Variants in COA6 observed in about 807,000 individuals in gnomAD.
COA6 encodes the protein cytochrome c oxidase assembly factor 6 homolog.
Under a neutral mutation model 17.1 loss-of-function variants are expected in COA6, and 12 were observed. The observed-to-expected ratio is 0.70, with a 90% confidence interval of 0.45 to 1.14. COA6 has a LOEUF of 1.14. Among genes scored for constraint, COA6 ranks in the 50% most tolerant of loss-of-function variants. The probability of loss-of-function intolerance (pLI) is 0.00; values close to 1 mark genes in which losing one functional copy is unlikely to be tolerated. For synonymous variants in COA6, 90 were observed against 73.4 expected (o/e 1.23, Z -1.16); for missense variants, 246 against 196.5 (o/e 1.25, Z -1.51).
Position 234,374,276 on chromosome 1 carries a change from G to A in COA6, c.259G>A (p.Val87Ile), listed in dbSNP as rs375349955. ...MAAPSMKERQ[V>I]CWGARDEYWK... ...AGCCCCATCTATGAAGGAAAGACAGGTCTGCTGGGGGGCCCGGGATGAGTA... is the reference window on the plus strand; with the variant it reads ...AGCCCCATCTATGAAGGAAAGACAGATCTGCTGGGGGGCCCGGGATGAGTA... The change falls in exon 2 of 3, where the codon GTC (valine) becomes ATC (isoleucine). Residue 87 changes from valine (V) to isoleucine (I), a missense_variant. Coordinates refer to ENST00000366615, the MANE Select transcript of COA6 (RefSeq NM_001206641.3). 6.2e-7 allele frequency: 1 copy of A among 1,613,862 alleles called. No individual in the cohort carries two copies. Among genetic ancestry groups the A allele is most frequent in the Non-Finnish European group, 8.5e-7 (1 of 1,179,964 alleles).
chr1:234,374,242 A>G lies in COA6; in HGVS notation c.225A>G (p.Val75=), dbSNP rs1658716446. 1.9e-6 allele frequency: 3 copies of G among 1,611,730 alleles called. No homozygotes were observed. Among genetic ancestry groups the G allele is most frequent in the African/African-American group, 2.7e-5 (2 of 74,846 alleles). Residue 75 remains valine (V), a synonymous_variant, in exon 2 of 3, where the codon GTA becomes GTG. Coordinates refer to ENST00000366615, the MANE Select transcript of COA6 (RefSeq NM_001206641.3). ...TTTTGGCCAACAGCTTCATCGCAGT[A>G]GGAATGGCAGCCCCATCTATGAAGG... ...GRGRAESFIA[V]GMAAPSMKER... is the part of the protein sequence containing the mutation.
At chr1:234,379,479 A>G (rs192450539) in intron 2 of COA6, among the ~76,000 whole-genome samples, 419 of 152,322 alleles carry the variant, frequency 2.8e-3, no homozygotes, top group African/African-American at 9.5e-3. Context: ...AACAGAGGCC[A>G]TGGTATTGAA....
chr1:234,378,229 T>G (rs1658866588), intron 2 of COA6, among the ~76,000 whole-genome samples: 1 of 152,212 alleles, frequency 6.6e-6, no homozygotes, highest in Non-Finnish European at 1.5e-5. Flanking sequence ...AGCTCCATGG[T>G]CATTTTTTTG....
Position 234,373,474 on chromosome 1 carries a change from C to CTCGGAAGGG in COA6, c.11_19dup (p.Arg4_Gly6dup). 6.5e-7 allele frequency: 1 copy of CTCGGAAGGG among 1,537,550 alleles called. No individual in the cohort carries two copies. Among genetic ancestry groups the CTCGGAAGGG allele is most frequent in the Non-Finnish European group, 8.8e-7 (1 of 1,141,678 alleles). On this transcript the variant is annotated inframe_insertion, in exon 1 of 3. Transcript: ENST00000366615. The stretch of plus-strand genomic sequence containing the variant: ...CCCCTCTATGGAAAGTAAATGGTAG[C>CTCGGAAGGG]TCGGAAGGGTCAAAAGAGTCCGCGG...
At position 234,373,636 on chromosome 1, in the gene COA6, C is replaced by T. The variant is rs746096231; in HGVS notation, c.170C>T (p.Ser57Phe). ...RRLVACVTVS[S>F]RRHRKEAGRG... is the part of the protein sequence containing the mutation. ...TTGGTGGCCTGCGTGACAGTTTCCTCCCGTCGACATCGAAAGGAAGCCGGA... is the reference window on the plus strand; with the variant it reads ...TTGGTGGCCTGCGTGACAGTTTCCTTCCGTCGACATCGAAAGGAAGCCGGA... Residue 57 changes from serine (S) to phenylalanine (F), a missense_variant, in exon 1 of 3, where the codon TCC becomes TTC. By Grantham distance (155) the Ser-to-Phe change is radical (BLOSUM62 -2). Coordinates refer to ENST00000366615, the MANE Select transcript of COA6 (RefSeq NM_001206641.3). 6.2e-7 allele frequency: 1 copy of T among 1,613,240 alleles called. No individual in the cohort carries two copies.
chr1:234,381,692 A>G (rs1002253883), intron 2 of COA6, among the ~76,000 whole-genome samples: 4 of 152,238 alleles, frequency 2.6e-5, no homozygotes, highest in Non-Finnish European at 5.9e-5. Flanking sequence ...TGTTACAGCA[A>G]CCCAAGTGAG....
At position 234,377,063 on chromosome 1, in the gene COA6, A is replaced by ACCC. The variant is rs1162931376; in HGVS notation, c.372+2674_372+2675insCCC. Among the ~76,000 whole-genome samples the ACCC allele has an allele frequency of 2.7e-3, 71 of 26,268 alleles. 1 individual carries two copies. Among genetic ancestry groups the ACCC allele is most frequent in the Admixed American group, 9.7e-3 (21 of 2,154 alleles). 17.2% of individuals were successfully genotyped at this position (26,268 alleles called of 152,430 possible). A position where few individuals can be genotyped will look rare whatever the true frequency, so the allele number is the denominator to read the frequency against. ...GCTACCTTCTTGCTGTGTTGCCGAG[A>ACCC]GAGAGAGAGAGAGAGAGAGAGAGAG... On this transcript the variant is annotated intron_variant, in intron 2 of 2. Coordinates refer to ENST00000366615, the MANE Select transcript of COA6 (RefSeq NM_001206641.3).
intron 2 of COA6, among the ~76,000 whole-genome samples, chr1:234,376,651 A>G (rs983840821): frequency 2.6e-5 from 4 of 152,208 alleles, no homozygotes; most frequent in Non-Finnish European, 4.4e-5. Flanking sequence ...TAGCTTGCAC[A>G]AGTCTCATGT....
Position 234,377,059 on chromosome 1 carries a change from CGAGAGAGAGA to C in COA6, c.372+2703_372+2712del, listed in dbSNP as rs71170479. On this transcript the variant is annotated intron_variant, in intron 2 of 2. Transcript: ENST00000366615. ...GACAGCTACCTTCTTGCTGTGTTGC[CGAGAGAGAGA>C]GAGAGAGAGAGAGAGAGAGAGAGAG... Among the ~76,000 whole-genome samples the C allele has an allele frequency of 3.8e-4, 31 of 82,634 alleles. 5 individuals are homozygous for C. The highest frequency in any genetic ancestry group is 5.7e-3 in the Middle Eastern group (1 of 174). The allele number at this position is 82,634 out of a possible 152,430, so 54.2% of individuals were successfully genotyped here. A position where few individuals can be genotyped will look rare whatever the true frequency, so the allele number is the denominator to read the frequency against.
Position 234,377,072 on chromosome 1 carries a change from G to A in COA6, c.372+2683G>A, listed in dbSNP as rs1034778568. On this transcript the variant is annotated intron_variant, in intron 2 of 2. Transcript: ENST00000366615. ...TTGCTGTGTTGCCGAGAGAGAGAGAGAGAGAGAGAGAGAGAGAGAGAGAGA... is the reference window on the plus strand; with the variant it reads ...TTGCTGTGTTGCCGAGAGAGAGAGAAAGAGAGAGAGAGAGAGAGAGAGAGA... 4.0e-3 allele frequency among the ~76,000 whole-genome samples: 393 copies of A among 97,916 alleles called. 20 individuals carry two copies. The highest frequency in any genetic ancestry group is 0.013 in the African/African-American group (367 of 27,398). The allele number at this position is 97,916 out of a possible 152,430, so 64.2% of individuals were successfully genotyped here.
chr1:234,378,517 G>C, intron 2 of COA6, among the ~76,000 whole-genome samples: 1 of 152,188 alleles, frequency 6.6e-6, no homozygotes, highest in East Asian at 1.9e-4. Flanking sequence ...AAAAAGTTAG[G>C]GAACAGATAG....
Position 234,377,093 on chromosome 1 carries a change from A to G in COA6, c.372+2704A>G, listed in dbSNP as rs1658824777. ...GAGAGAGAGAGAGAGAGAGAGAGAG[A>G]GAGAGAGATCCAGTCTCTGTCTCCT... On this transcript the variant is annotated intron_variant, in intron 2 of 2. Coordinates refer to ENST00000366615, the MANE Select transcript of COA6 (RefSeq NM_001206641.3). 3.1e-5 allele frequency among the ~76,000 whole-genome samples: 2 copies of G among 65,168 alleles called. 1 individual carries two copies. The highest frequency in any genetic ancestry group is 1.1e-4 in the African/African-American group (2 of 18,858). 42.8% of individuals were successfully genotyped at this position (65,168 alleles called of 152,430 possible).
chr1:234,380,315 T>C (rs979158025), intron 2 of COA6, among the ~76,000 whole-genome samples: 2 of 152,246 alleles, frequency 1.3e-5, no homozygotes, highest in Admixed American at 6.5e-5. Flanking sequence ...TTTGAGTGCA[T>C]TCTGAATGAG....
intron 2 of COA6, among the ~76,000 whole-genome samples, chr1:234,377,050 C>T (rs1658818904): frequency 7.5e-6 from 1 of 132,974 alleles, no homozygotes; most frequent in Non-Finnish European, 1.6e-5. Context: ...TACCTTCTTG[C>T]TGTGTTGCCG....
At chr1:234,380,410 G>T (rs1658939364) in intron 2 of COA6, among the ~76,000 whole-genome samples, 1 of 152,180 alleles carries the variant, frequency 6.6e-6, no homozygotes, top group Non-Finnish European at 1.5e-5. Flanking sequence ...CTAAGGTTCA[G>T]AAAGGTAAAA....
At chr1:234,378,500 G>C (rs1428359129) in intron 2 of COA6, among the ~76,000 whole-genome samples, 1 of 152,210 alleles carries the variant, frequency 6.6e-6, no homozygotes, top group Non-Finnish European at 1.5e-5. Flanking sequence ...TTTTCACAAA[G>C]TTATGAAAAA....
rs890810516 is a variant in COA6, at chr1:234,384,537, A to G, written c.*719A>G. 6.6e-6 allele frequency among the ~76,000 whole-genome samples: 1 copy of G among 152,228 alleles called. No homozygotes were observed. The highest frequency in any genetic ancestry group is 1.5e-5 in the Non-Finnish European group (1 of 68,040). On this transcript the variant is annotated 3_prime_UTR_variant, in exon 3 of 3. Coordinates refer to ENST00000366615, the MANE Select transcript of COA6 (RefSeq NM_001206641.3). Reference sequence around the variant, plus strand: ...ATTATATTCCTATATATCAGCAATAAACAACTGGAATTTAAAACTTAAAAA... The same window carrying G: ...ATTATATTCCTATATATCAGCAATAGACAACTGGAATTTAAAACTTAAAAA...
In COA6 at chr1:234,383,808, C is replaced by A; in HGVS notation, c.458C>A (p.Ala153Glu). The A allele has an allele frequency of 6.4e-7, 1 of 1,555,644 alleles. No individual in the cohort carries two copies. The highest frequency in any genetic ancestry group is 8.8e-7 in the Non-Finnish European group (1 of 1,130,562). The change falls in exon 3 of 3, where the codon GCA becomes GAA. Residue 153 changes from alanine (A) to glutamate (E), a missense_variant. By Grantham distance (107) the Ala-to-Glu change is moderately radical (BLOSUM62 -1). Coordinates refer to ENST00000366615, the MANE Select transcript of COA6 (RefSeq NM_001206641.3). ...AGQFEPSETT[A>E]KS ...CAATTTGAGCCTTCAGAAACAACTG[C>A]AAAATCCTAGGCTGTTCATAAAGAT...
Position 234,374,122 on chromosome 1 carries a change from T to A in COA6, c.213-108T>A. 4.2e-6 allele frequency: 5 copies of A among 1,177,024 alleles called. No homozygotes were observed. The South Asian group carries it at 8.0e-5, about 19-fold the overall frequency. The allele number at this position is 1,177,024 out of a possible 1,614,324, so 72.9% of individuals were successfully genotyped here. A position where few individuals can be genotyped will look rare whatever the true frequency, so the allele number is the denominator to read the frequency against. On this transcript the variant is annotated intron_variant, in intron 1 of 2. Transcript: ENST00000366615. ...TTTTGTTTTGTTTTTGTTTTTTTTT[T>A]TTTTTTTAGTTTTAAAGGAAGAGGA...
Sources: gnomAD v4.1 joint callset for allele counts (sites outside exome capture counted in the v4.1 genomes callset) on GRCh38, gnomAD v4.1.1 for gene constraint, MANE v1.5 for transcripts, NCBI Gene and HGNC (gene_info 2026-07-23, HGNC 2026-07-21) for gene names.